Variants in UNC13B observed in about 807,000 individuals in gnomAD.
UNC13B encodes the protein unc-13 homolog B, also known as protein unc-13 homolog B.
UNC13B carries 144 observed loss-of-function variants against 211.0 expected under a neutral mutation model. The ratio of observed to expected loss-of-function variants is 0.68; its 90% CI spans 0.60 to 0.78. The LOEUF is 0.78. Among genes scored for constraint, UNC13B ranks in the 30% least tolerant of loss-of-function variants. UNC13B has a pLI of 0.00. For missense variants in UNC13B, 1,777 were observed against 2,002.0 expected, an observed-to-expected ratio of 0.89 and a Z score of 2.14; for synonymous variants, 709 against 725.8, an observed-to-expected ratio of 0.98 and a Z score of 0.37.
chr9:35,240,444 CTAT>C (rs1230502298), intron 5 of UNC13B, among the ~76,000 whole-genome samples: 1 of 152,116 alleles, frequency 6.6e-6, no homozygotes, highest in Admixed American at 6.5e-5. Context: ...CTCAGAACAA[CTAT>C]TATTTCAGAA....
At chr9:35,333,629 A>G (rs968619735) in intron 11 of UNC13B, among the ~76,000 whole-genome samples, 1 of 152,162 alleles carries the variant, frequency 6.6e-6, no homozygotes, top group African/African-American at 2.4e-5. Flanking sequence ...CACATATCCA[A>G]ATATTATCCA....
At chr9:35,297,278 G>A (rs1206717642) in intron 8 of UNC13B, among the ~76,000 whole-genome samples, 1 of 151,480 alleles carries the variant, frequency 6.6e-6, no homozygotes, top group Non-Finnish European at 1.5e-5. Flanking sequence ...TGGTAGAGAC[G>A]GGGTTTCATC....
intron 7 of UNC13B, among the ~76,000 whole-genome samples, chr9:35,292,082 G>A (rs1207631928): frequency 6.6e-6 from 1 of 152,130 alleles, no homozygotes; most frequent in Non-Finnish European, 1.5e-5. Context: ...AGGTTTTCAA[G>A]TAGAAAAAGC....
At chr9:35,374,504 A>G (rs916685573) in intron 13 of UNC13B, among the ~76,000 whole-genome samples, 16 of 142,356 alleles carry the variant, frequency 1.1e-4, no homozygotes, top group Admixed American at 9.8e-4. Context: ...TGGCAGATAC[A>G]TGGGGCCCCC....
rs1829690900 is a variant in UNC13B at position 35,301,646 on chromosome 9, G to T, written c.2242G>T (p.Asp748Tyr). The T allele has an allele frequency of 2.5e-6, 1 of 398,742 alleles. No homozygotes were observed. The highest frequency in any genetic ancestry group is 4.4e-6 in the Non-Finnish European group (1 of 225,930). The allele number at this position is 398,742 out of a possible 1,614,324, so 24.7% of individuals were successfully genotyped here. A position where few individuals can be genotyped will look rare whatever the true frequency, so the allele number is the denominator to read the frequency against. ...CTTAGTTAGTTCTGCAAGTAAAAAT[G>T]ATGAGAGTCTATTGGAAGAAAAACT... ...SNLVSSASKN[D>Y]ESLLEEKLCI... The change falls in exon 9 of 40, where the codon GAT (aspartate) becomes TAT (tyrosine). Residue 748 changes from aspartate (D) to tyrosine (Y), a missense_variant. Transcript: ENST00000635942.
intron 6 of UNC13B, among the ~76,000 whole-genome samples, chr9:35,256,287 A>G (rs1231312265): frequency 1.3e-5 from 2 of 151,984 alleles, no homozygotes; most frequent in East Asian, 1.9e-4. Flanking sequence ...ATGTCTCCTT[A>G]GGCTTCTCTT....
intron 1 of UNC13B, among the ~76,000 whole-genome samples, chr9:35,215,655 A>G (rs763262471): frequency 3.9e-5 from 6 of 152,214 alleles, no homozygotes; most frequent in Non-Finnish European, 7.3e-5. Context: ...CTGGAATGTG[A>G]TAAACTAGTT....
chr9:35,321,543 T>TGG (rs1296707151), intron 11 of UNC13B, among the ~76,000 whole-genome samples: 1 of 152,240 alleles, frequency 6.6e-6, no homozygotes, highest in Admixed American at 6.5e-5. Context: ...TGAATAACGC[T>TGG]GTGATGAGCA....
chr9:35,166,468 G>A (rs1329986275), intron 1 of UNC13B, among the ~76,000 whole-genome samples: 1 of 151,838 alleles, frequency 6.6e-6, no homozygotes, highest in Non-Finnish European at 1.5e-5. Flanking sequence ...AAATTTCCAT[G>A]GGCCTACCAC....
chr9:35,236,694 C>T (rs913592812), intron 4 of UNC13B, 108 bp downstream of exon 4: 25 of 1,021,502 alleles, frequency 2.4e-5, no homozygotes, highest in Non-Finnish European at 3.4e-5. Flanking sequence ...ATTATTCTTC[C>T]CCCTTTCTAA....
chr9:35,312,021 A>G (rs1587596065), intron 10 of UNC13B, among the ~76,000 whole-genome samples: 3 of 152,134 alleles, frequency 2.0e-5, no homozygotes, highest in African/African-American at 7.2e-5. Flanking sequence ...AGGATGTTTA[A>G]TAGCATCACT....
intron 1 of UNC13B, among the ~76,000 whole-genome samples, chr9:35,173,294 G>C (rs1049438212): frequency 1.3e-5 from 2 of 152,116 alleles, no homozygotes; most frequent in Admixed American, 6.6e-5. Flanking sequence ...GCCAAGGAAA[G>C]GGGGGTAAAT....
At chr9:35,261,785 G>A (rs772193663) in intron 7 of UNC13B, among the ~76,000 whole-genome samples, 23 of 151,384 alleles carry the variant, frequency 1.5e-4, no homozygotes, top group Non-Finnish European at 2.2e-4. Flanking sequence ...CCCCTTCCCA[G>A]CCTCTGTTAA....
intron 11 of UNC13B, among the ~76,000 whole-genome samples, chr9:35,335,296 T>C (rs1831590975): frequency 6.6e-6 from 1 of 152,188 alleles, no homozygotes; most frequent in Non-Finnish European, 1.5e-5. Context: ...ATAACTTGCT[T>C]CCTGTGTTTG....
intron 1 of UNC13B, among the ~76,000 whole-genome samples, chr9:35,223,078 TTTC>T (rs1824649718): frequency 1.3e-5 from 2 of 152,230 alleles, no homozygotes; most frequent in African/African-American, 4.8e-5. Flanking sequence ...TATACCACAT[TTTC>T]TTCATTTATT....
In UNC13B at chr9:35,375,112, G is replaced by T; in HGVS notation, c.9541-15G>T. ...TTGGCAGTGGTCAGGGCTAACAGCA[G>T]ATCTTCCCTGACAGTCACTGGTCCA... On this transcript the variant is annotated splice_polypyrimidine_tract_variant and intron_variant, in intron 13 of 39. Coordinates refer to ENST00000635942, the MANE Select transcript of UNC13B (RefSeq NM_001371189.2). 3 of 1,614,028 alleles carry T rather than the reference G, an allele frequency of 1.9e-6. No homozygotes were observed. The highest frequency in any genetic ancestry group is 2.5e-6 in the Non-Finnish European group (3 of 1,179,920).
chr9:35,356,276 G>A (rs899963071), intron 11 of UNC13B, among the ~76,000 whole-genome samples: 3 of 152,126 alleles, frequency 2.0e-5, no homozygotes, highest in Admixed American at 6.5e-5. Flanking sequence ...CCAGCATAAC[G>A]AAGCTTTTGA....
intron 26 of UNC13B, among the ~76,000 whole-genome samples, chr9:35,394,425 A>G: frequency 6.6e-6 from 1 of 152,062 alleles, no homozygotes; most frequent in African/African-American, 2.4e-5. Flanking sequence ...GTGAAACCCC[A>G]ACTCTACTAA....
chr9:35,220,219 T>C (rs2131455202), intron 1 of UNC13B, among the ~76,000 whole-genome samples: 1 of 152,162 alleles, frequency 6.6e-6, no homozygotes, highest in Admixed American at 6.5e-5. Flanking sequence ...GTTAAAGGCA[T>C]ACAGTGCTTA....
Sources: gnomAD v4.1 joint callset for allele counts (sites outside exome capture counted in the v4.1 genomes callset) on GRCh38, gnomAD v4.1.1 for gene constraint, MANE v1.5 for transcripts, NCBI Gene and HGNC (gene_info 2026-07-23, HGNC 2026-07-21) for gene names.